The following CARMIL1 variants were observed in gnomAD, a reference collection of about 807,000 sequenced individuals.
The protein encoded by CARMIL1 is F-actin-uncapping protein LRRC16A.
In CARMIL1, 90 loss-of-function variants were observed where a neutral mutation model predicts 177.1. The observed-to-expected ratio is 0.51, with a 90% confidence interval of 0.43 to 0.61. The LOEUF is 0.61. Among genes scored for constraint, CARMIL1 ranks in the 20% least tolerant of loss-of-function variants. CARMIL1 has a pLI of 0.00. For missense variants in CARMIL1, 1,380 were observed against 1,667.0 expected, an observed-to-expected ratio of 0.83 and a Z score of 3.00; for synonymous variants, 577 against 606.2, an observed-to-expected ratio of 0.95 and a Z score of 0.71.
intron 2 of CARMIL1, among the ~76,000 whole-genome samples, chr6:25,345,905 C>T (rs1787460991): frequency 6.6e-6 from 1 of 152,232 alleles, no homozygotes; most frequent in South Asian, 2.1e-4. Context: ...GTGTGAGCCA[C>T]TGCGCCCAGT....
intron 8 of CARMIL1, among the ~76,000 whole-genome samples, chr6:25,459,269 T>TCTCTTTC (rs56094712): frequency 8.5e-6 from 1 of 118,170 alleles, no homozygotes; most frequent in African/African-American, 3.2e-5. Flanking sequence ...TTTCTTTCTT[T>TCTCTTTC]TTTTTTTTTT....
intron 2 of CARMIL1, among the ~76,000 whole-genome samples, chr6:25,392,739 A>T (rs1562078104): frequency 6.6e-6 from 1 of 152,176 alleles, no homozygotes; most frequent in Non-Finnish European, 1.5e-5. Flanking sequence ...ATATTGATTT[A>T]GTTTTCTTTG....
intron 11 of CARMIL1, among the ~76,000 whole-genome samples, chr6:25,473,034 T>C (rs1479556281): frequency 2.6e-5 from 4 of 152,174 alleles, no homozygotes; most frequent in Non-Finnish European, 5.9e-5. Context: ...TTACTAGCTG[T>C]CAGTGGGCAC....
intron 3 of CARMIL1, among the ~76,000 whole-genome samples, chr6:25,422,900 G>A (rs537342949): frequency 5.2e-4 from 79 of 152,224 alleles, no homozygotes; most frequent in Non-Finnish European, 8.5e-4. Flanking sequence ...GCTTGGCTCC[G>A]TCCTGTGATG....
intron 29 of CARMIL1, among the ~76,000 whole-genome samples, chr6:25,580,046 T>C (rs1582424332): frequency 6.6e-6 from 1 of 152,298 alleles, no homozygotes; most frequent in East Asian, 1.9e-4. Flanking sequence ...TCCATCCATC[T>C]CTATATGGGT....
intron 8 of CARMIL1, among the ~76,000 whole-genome samples, chr6:25,461,653 T>C (rs1349392349): frequency 6.6e-6 from 1 of 152,270 alleles, no homozygotes; most frequent in Admixed American, 6.5e-5. Flanking sequence ...TACATTTTTA[T>C]GTGAACATAA....
At chr6:25,526,267 C>T (rs1245544474) in intron 23 of CARMIL1, among the ~76,000 whole-genome samples, 2 of 151,696 alleles carry the variant, frequency 1.3e-5, no homozygotes, top group African/African-American at 2.4e-5. Context: ...GGCGTGAACC[C>T]GGGGGGTGGA....
chr6:25,539,046 T>C (rs1808624121), intron 25 of CARMIL1, among the ~76,000 whole-genome samples: 1 of 152,190 alleles, frequency 6.6e-6, no homozygotes, highest in East Asian at 1.9e-4. Flanking sequence ...TACTTCACCC[T>C]ATACATCTTC....
chr6:25,428,355 A>G (rs879856196), intron 4 of CARMIL1, among the ~76,000 whole-genome samples: 5 of 151,910 alleles, frequency 3.3e-5, no homozygotes, highest in African/African-American at 1.2e-4. Context: ...GTGTGAATCT[A>G]TTTCTGGACT....
At chr6:25,427,646 A>T (rs999402046) in intron 4 of CARMIL1, among the ~76,000 whole-genome samples, 1 of 152,158 alleles carries the variant, frequency 6.6e-6, no homozygotes. Flanking sequence ...ACTTTTCCAC[A>T]GTGGTTTTAC....
chr6:25,452,237 T>C (rs779942670), intron 8 of CARMIL1: 4 of 763,622 alleles, frequency 5.2e-6, no homozygotes, highest in Non-Finnish European at 4.8e-6. Flanking sequence ...TTTTTTTTTT[T>C]CCTGCTTAGA....
chr6:25,600,405 C>T lies in CARMIL1; in HGVS notation c.3211C>T (p.Leu1071Phe), dbSNP rs1815272315. 6.2e-7 allele frequency: 1 copy of T among 1,613,972 alleles called. No homozygotes were observed. Among genetic ancestry groups the T allele is most frequent in the Admixed American group, 1.7e-5 (1 of 60,006 alleles). Residue 1071 changes from leucine to phenylalanine, a missense_variant, in exon 33 of 37, where the codon CTC (leucine) becomes TTC (phenylalanine). By Grantham distance (22) the Leu-to-Phe change is conservative (BLOSUM62 0). Transcript: ENST00000329474. ...KRDSRKSSGF[L>F]NLIKSRSKSE... is the part of the protein sequence containing the mutation. Reference sequence around the variant, plus strand: ...AGATTCTCGGAAAAGTAGTGGCTTTCTCAATTTAATCAAATCCCGGTCCAA... The same window carrying T: ...AGATTCTCGGAAAAGTAGTGGCTTTTTCAATTTAATCAAATCCCGGTCCAA...
At chr6:25,453,538 A>G (rs1799199561) in intron 8 of CARMIL1, among the ~76,000 whole-genome samples, 1 of 152,186 alleles carries the variant, frequency 6.6e-6, no homozygotes, top group Admixed American at 6.5e-5. Flanking sequence ...TTTGTACTCA[A>G]GAGCTAAAAT....
chr6:25,283,344 A>G (rs1781284848), intron 1 of CARMIL1, among the ~76,000 whole-genome samples: 1 of 152,164 alleles, frequency 6.6e-6, no homozygotes, highest in African/African-American at 2.4e-5. Context: ...GTTAGAGGCC[A>G]TGGACTTAGT....
chr6:25,390,293 C>CATATAT (rs397887367), intron 2 of CARMIL1, among the ~76,000 whole-genome samples: 22 of 84,898 alleles, frequency 2.6e-4, no homozygotes, highest in Admixed American at 4.8e-4. Flanking sequence ...TATATATTTA[C>CATATAT]ATATATATAT....
Position 25,510,546 on chromosome 6 carries a change from G to A in CARMIL1, c.1517G>A (p.Ser506Asn). Residue 506 changes from serine (S) to asparagine (N), a missense_variant, in exon 19 of 37, where the codon AGT becomes AAT. Physicochemically the swap from Ser to Asn is conservative, Grantham distance 46. Coordinates refer to ENST00000329474, the MANE Select transcript of CARMIL1 (RefSeq NM_017640.6). ...CTATCTACCTTAATAGTGTGGCTCA[G>A]TAAAAACAGATCAATACAACACCTG... ...SDLSTLIVWL[S>N]KNRSIQHLAL... The A allele has an allele frequency of 6.4e-7, 1 of 1,558,618 alleles. No individual in the cohort carries two copies. Among genetic ancestry groups the A allele is most frequent in the Non-Finnish European group, 8.7e-7 (1 of 1,149,998 alleles).
chr6:25,575,148 C>T (rs1384309458), intron 29 of CARMIL1, among the ~76,000 whole-genome samples: 1 of 152,196 alleles, frequency 6.6e-6, no homozygotes, highest in Non-Finnish European at 1.5e-5. Context: ...ATGCCCAGTT[C>T]TTGGATGCCA....
intron 8 of CARMIL1, among the ~76,000 whole-genome samples, chr6:25,463,757 G>A (rs561658939): frequency 6.6e-6 from 1 of 151,824 alleles, no homozygotes; most frequent in East Asian, 1.9e-4. Flanking sequence ...CAGAGCATGT[G>A]GTCAATGGAG....
intron 2 of CARMIL1, among the ~76,000 whole-genome samples, chr6:25,332,109 TC>T (rs980752506): frequency 1.3e-5 from 2 of 152,192 alleles, no homozygotes; most frequent in African/African-American, 4.8e-5. Flanking sequence ...AGTGATCCTC[TC>T]GCCTCAGCCT....
Sources: gnomAD v4.1 joint callset for allele counts (sites outside exome capture counted in the v4.1 genomes callset) on GRCh38, gnomAD v4.1.1 for gene constraint, MANE v1.5 for transcripts, NCBI Gene and HGNC (gene_info 2026-07-23, HGNC 2026-07-21) for gene names.